Variants in ERICH1 observed in about 807,000 individuals in gnomAD.
ERICH1 encodes the protein glutamate rich 1.
ERICH1 carries 56 observed loss-of-function variants against 39.6 expected under a neutral mutation model. The observed-to-expected ratio is 1.41, with a 90% CI of 1.14 to 1.77. The LOEUF (loss-of-function observed/expected upper bound fraction) is 1.77, where lower values mean the gene tolerates loss of function less well. ERICH1 is among the 40% of genes most tolerant of loss of function. The pLI, the probability that ERICH1 is intolerant of heterozygous loss-of-function variation, is 0.00. For synonymous variants in ERICH1, 313 were observed against 223.6 expected (o/e 1.40, Z -3.57); for missense variants, 826 against 575.4 (o/e 1.44, Z -4.45).
chr8:704,710 A>G (rs1202784316), intron 2 of ERICH1, among the ~76,000 whole-genome samples: 1 of 152,222 alleles, frequency 6.6e-6, no homozygotes, highest in Non-Finnish European at 1.5e-5. Flanking sequence ...CAAAATCCTT[A>G]GTTTCCAAAG....
At chr8:698,706 G>T (rs1222517753) in intron 2 of ERICH1, among the ~76,000 whole-genome samples, 2 of 152,064 alleles carry the variant, frequency 1.3e-5, no homozygotes, top group Non-Finnish European at 2.9e-5. Context: ...TAGAGCTCCT[G>T]GGCTCAAGCA....
At chr8:682,557 C>T (rs1806370066) in intron 3 of ERICH1, among the ~76,000 whole-genome samples, 1 of 152,208 alleles carries the variant, frequency 6.6e-6, no homozygotes, top group Non-Finnish European at 1.5e-5. Context: ...ACGCCCTTCA[C>T]ACCCAGCAGC....
At chr8:724,057 A>T (rs988103465) in intron 1 of ERICH1, among the ~76,000 whole-genome samples, 2 of 152,240 alleles carry the variant, frequency 1.3e-5, no homozygotes, top group African/African-American at 4.8e-5. Context: ...AAAAAGAAAA[A>T]ACAAAAAACA....
chr8:723,367 T>C (rs564023249), intron 1 of ERICH1, among the ~76,000 whole-genome samples: 2 of 152,378 alleles, frequency 1.3e-5, no homozygotes, highest in South Asian at 2.1e-4. Flanking sequence ...AATCAGTTTA[T>C]AACATTCCTT....
At chr8:711,230 C>G (rs1222391379) in intron 2 of ERICH1, among the ~76,000 whole-genome samples, 1 of 152,066 alleles carries the variant, frequency 6.6e-6, no homozygotes, top group Non-Finnish European at 1.5e-5. Flanking sequence ...AGTAACAGTC[C>G]TTTGTCAGGT....
At chr8:683,381 C>T (rs1394992038) in intron 3 of ERICH1, among the ~76,000 whole-genome samples, 1 of 152,234 alleles carries the variant, frequency 6.6e-6, no homozygotes, top group East Asian at 1.9e-4. Flanking sequence ...CCTCAGCCAC[C>T]AAGGACTGCC....
At chr8:683,993 G>C (rs1208763472) in intron 3 of ERICH1, among the ~76,000 whole-genome samples, 1 of 152,144 alleles carries the variant, frequency 6.6e-6, no homozygotes, top group Non-Finnish European at 1.5e-5. Flanking sequence ...TCAAGAAATT[G>C]TTCTTATGTT....
intron 3 of ERICH1, among the ~76,000 whole-genome samples, chr8:687,463 A>G (rs527380297): frequency 3.4e-4 from 52 of 152,334 alleles, no homozygotes; most frequent in Admixed American, 3.1e-3. Flanking sequence ...GTCTGGCACA[A>G]CAAACGCTAA....
At chr8:627,798 T>C (rs564831070) in intron 3 of ERICH1, among the ~76,000 whole-genome samples, 2 of 152,220 alleles carry the variant, frequency 1.3e-5, no homozygotes, top group South Asian at 4.1e-4. Flanking sequence ...TCCATCCAAC[T>C]GTGTGGTCAT....
chr8:661,660 C>A (rs182555596), downstream of ERICH1, among the ~76,000 whole-genome samples: 1 of 152,196 alleles, frequency 6.6e-6, no homozygotes, highest in East Asian at 1.9e-4. Flanking sequence ...ATTATCATAT[C>A]TATGCTGACA....
At chr8:712,229 A>C (rs930583795) in intron 2 of ERICH1, among the ~76,000 whole-genome samples, 3 of 152,258 alleles carry the variant, frequency 2.0e-5, no homozygotes, top group African/African-American at 7.2e-5. Context: ...GTGTATATCA[A>C]GTTAGGAAGA....
At chr8:679,803 G>A (rs531543046) in intron 3 of ERICH1, among the ~76,000 whole-genome samples, 5 of 152,342 alleles carry the variant, frequency 3.3e-5, no homozygotes, top group African/African-American at 9.6e-5. Flanking sequence ...GAGACAACGT[G>A]TGCAAGAGCT....
intron 3 of ERICH1, among the ~76,000 whole-genome samples, chr8:636,856 T>C (rs1488570961): frequency 6.6e-6 from 1 of 152,214 alleles, no homozygotes; most frequent in East Asian, 1.9e-4. Context: ...GGCCACGTGT[T>C]GGGAGTCACC....
intron 2 of ERICH1, among the ~76,000 whole-genome samples, chr8:693,373 A>G (rs1026470157): frequency 2.6e-5 from 4 of 152,266 alleles, no homozygotes; most frequent in African/African-American, 9.6e-5. Context: ...AGTGTGTTAA[A>G]ATGACATATT....
At chr8:615,302 G>T in intron 3 of ERICH1, 1 of 674,908 alleles carries the variant, frequency 1.5e-6, no homozygotes, top group African/African-American at 1.8e-5. Context: ...ATCAGGTTAA[G>T]GGAGATCAGT....
At chr8:669,612 C>T (rs1453367979) in intron 4 of ERICH1, among the ~76,000 whole-genome samples, 1 of 152,206 alleles carries the variant, frequency 6.6e-6, no homozygotes, top group Non-Finnish European at 1.5e-5. Flanking sequence ...GGCCCGTCTA[C>T]ACCTCTGTCT....
intron 1 of ERICH1, among the ~76,000 whole-genome samples, chr8:729,406 C>A (rs1325500192): frequency 6.6e-6 from 1 of 152,184 alleles, no homozygotes; most frequent in African/African-American, 2.4e-5. Context: ...GCGGCACCTT[C>A]CCCTAACTTC....
At chr8:685,290 C>T (rs899094202) in intron 3 of ERICH1, among the ~76,000 whole-genome samples, 4 of 152,200 alleles carry the variant, frequency 2.6e-5, no homozygotes, top group East Asian at 1.9e-4. Context: ...GTGTCCTGCC[C>T]GGCTCCCAGG....
chr8:692,731 C>T (rs1375994296), intron 2 of ERICH1, 119 bp from the exon 3 acceptor site: 1 of 1,198,826 alleles, frequency 8.3e-7, no homozygotes, highest in Non-Finnish European at 1.1e-6. Flanking sequence ...AATCAAAGAG[C>T]TCAATAAAAC....
Sources: gnomAD v4.1 joint callset for allele counts (sites outside exome capture counted in the v4.1 genomes callset) on GRCh38, gnomAD v4.1.1 for gene constraint, MANE v1.5 for transcripts, NCBI Gene and HGNC (gene_info 2026-07-23, HGNC 2026-07-21) for gene names.